SLC14A2: variants seen among roughly 807,000 people sequenced by gnomAD.
SLC14A2 encodes the protein urea transporter 2.
A neutral mutation model predicts 104.6 loss-of-function variants in SLC14A2; 91 were observed. That is an observed-to-expected ratio of 0.87 (90% CI 0.73 to 1.04). The LOEUF (loss-of-function observed/expected upper bound fraction) is 1.04, where lower values mean the gene tolerates loss of function less well. Ranked by LOEUF, SLC14A2 falls within the 50% of genes least tolerant of loss-of-function variation. The pLI, the probability that SLC14A2 is intolerant of heterozygous loss-of-function variation, is 0.00. For synonymous variants in SLC14A2, 476 were observed against 466.4 expected (o/e 1.02, Z -0.27); for missense variants, 1,189 against 1,156.0 (o/e 1.03, Z -0.41).
At chr18:45,589,735 TATGATATACTGTC>T (rs1241640954) in intron 2 of SLC14A2, among the ~76,000 whole-genome samples, 1 of 152,164 alleles carries the variant, frequency 6.6e-6, no homozygotes, top group Non-Finnish European at 1.5e-5. Context: ...ATTCATGAAA[TATGATATACTGTC>T]GTTTCAGACT....
At position 45,554,093 on chromosome 18, in the gene SLC14A2, A is replaced by G. The variant is rs1165535001; in HGVS notation, c.-34-70538A>G. On this transcript the variant is annotated intron_variant, in intron 2 of 20. Coordinates refer to the SLC14A2 transcript ENST00000586448. ...CAAGAGCATTACAATGCCCCACTTC[A>G]CAGAGGTGCATGAAGGCCGAAGCTT... 5.3e-5 allele frequency among the ~76,000 whole-genome samples: 8 copies of G among 152,366 alleles called. No homozygotes were observed. The South Asian group carries it at 1.2e-3, about 24-fold the overall frequency.
chr18:45,566,856 G>C (rs2044273520), intron 2 of SLC14A2, among the ~76,000 whole-genome samples: 1 of 152,202 alleles, frequency 6.6e-6, no homozygotes, highest in East Asian at 1.9e-4. Context: ...AGGGCTAGAA[G>C]TCAAGGTGAG....
At chr18:45,429,978 C>T (rs1385639583) in intron 1 of SLC14A2, among the ~76,000 whole-genome samples, 1 of 152,156 alleles carries the variant, frequency 6.6e-6, no homozygotes, top group Non-Finnish European at 1.5e-5. Context: ...ATAATATGCC[C>T]TAACTGACTG....
In SLC14A2 at chr18:45,652,597, C is replaced by T. The variant is rs141945367; in HGVS notation, c.1351+8437C>T. Among the ~76,000 whole-genome samples the T allele has an allele frequency of 2.9e-3, 443 of 152,270 alleles. 2 individuals carry two copies. Among genetic ancestry groups the T allele is most frequent in the African/African-American group, 9.9e-3 (412 of 41,546 alleles). On this transcript the variant is annotated intron_variant, in intron 10 of 19. Coordinates refer to ENST00000255226, the MANE Select transcript of SLC14A2 (RefSeq NM_007163.4). ...TCCTGGTGGTCAATGCAGGCCTCCT[C>T]CCTCTGTAAAGTTGAAAACGTAGAA...
At chr18:45,679,868 C>T (rs182229168) in intron 19 of SLC14A2, among the ~76,000 whole-genome samples, 34 of 152,318 alleles carry the variant, frequency 2.2e-4, no homozygotes, top group Non-Finnish European at 4.6e-4. Flanking sequence ...TTGTGCACAC[C>T]TCGGCTAAAT....
intron 2 of SLC14A2, among the ~76,000 whole-genome samples, chr18:45,539,699 C>T (rs2043855733): frequency 6.6e-6 from 1 of 152,102 alleles, no homozygotes; most frequent in Non-Finnish European, 1.5e-5. Context: ...CCATTACATT[C>T]CAATGGCTTT....
At chr18:45,608,869 A>G (rs1487256823) in intron 2 of SLC14A2, among the ~76,000 whole-genome samples, 1 of 152,168 alleles carries the variant, frequency 6.6e-6, no homozygotes, top group African/African-American at 2.4e-5. Context: ...TAAAACTGGA[A>G]TTTGCAAAGT....
At chr18:45,202,263 C>A in the SLC14A2 span, among the ~76,000 whole-genome samples, 1 of 151,968 alleles carries the variant, frequency 6.6e-6, no homozygotes, top group Non-Finnish European at 1.5e-5. Flanking sequence ...GCATGCTGAG[C>A]CTTTGGAAAA....
chr18:45,242,905 C>A (rs2084332157), intron 1 of SLC14A2, among the ~76,000 whole-genome samples: 1 of 152,164 alleles, frequency 6.6e-6, no homozygotes, highest in Non-Finnish European at 1.5e-5. Context: ...CAGGTTTGGC[C>A]TATTGAGCTA....
At chr18:45,399,044 G>A (rs2086066845) in intron 1 of SLC14A2, among the ~76,000 whole-genome samples, 1 of 152,126 alleles carries the variant, frequency 6.6e-6, no homozygotes, top group South Asian at 2.1e-4. Flanking sequence ...ACACTTATTG[G>A]ATGCTAAGTT....
At chr18:45,628,184 AC>A (rs112195046) in intron 4 of SLC14A2, among the ~76,000 whole-genome samples, 76 of 152,162 alleles carry the variant, frequency 5.0e-4, no homozygotes, top group African/African-American at 1.7e-3. Context: ...GGTGGTTCAC[AC>A]CTGTAATCTC....
intron 8 of SLC14A2, among the ~76,000 whole-genome samples, chr18:45,641,958 A>G (rs1025971552): frequency 3.3e-5 from 5 of 152,236 alleles, no homozygotes; most frequent in Non-Finnish European, 2.9e-5. Context: ...ATATAAATAT[A>G]CAAACTCACT....
At chr18:45,183,906 ATTTTTTTTTT>A in the SLC14A2 span, among the ~76,000 whole-genome samples, 10 of 62,700 alleles carry the variant, frequency 1.6e-4, no homozygotes, top group Admixed American at 2.9e-4. Context: ...TAATTTTCTA[ATTTTTTTTTT>A]TTTTTTTTTT....
intron 1 of SLC14A2, among the ~76,000 whole-genome samples, chr18:45,249,662 C>A (rs1251830508): frequency 6.6e-6 from 1 of 152,080 alleles, no homozygotes; most frequent in East Asian, 1.9e-4. Flanking sequence ...TAGAAAATAT[C>A]TATTTGGCCA....
Position 45,461,924 on chromosome 18 carries a change from T to C in SLC14A2, c.-124-21309T>C, listed in dbSNP as rs144565502. On this transcript the variant is annotated intron_variant, in intron 1 of 20. Transcript: ENST00000586448. The stretch of plus-strand genomic sequence containing the variant: ...TGAGGTGATGTGGGGCCTGGGATTA[T>C]TGCAGGTGGGAATTGAAAAGGGAAG... Among the ~76,000 whole-genome samples the C allele has an allele frequency of 2.2e-3, 340 of 152,244 alleles. 1 individual carries two copies. The highest frequency in any genetic ancestry group is 7.5e-3 in the African/African-American group (313 of 41,518).
rs2086159173 is a variant in SLC14A2 at position 45,406,736 on chromosome 18, G to A, written c.-124-76497G>A. Among the ~76,000 whole-genome samples the A allele has an allele frequency of 2.0e-5, 3 of 152,230 alleles. No homozygotes were observed. The South Asian group carries it at 6.2e-4, about 32-fold the overall frequency. On this transcript the variant is annotated intron_variant, in intron 1 of 20. Transcript: ENST00000586448. ...CTAACACAACATCCATTGTTGGCAT[G>A]GAAACAATATTAATCTCCTTGTACA...
At chr18:45,466,115 G>A (rs528440366) in intron 1 of SLC14A2, among the ~76,000 whole-genome samples, 2 of 152,170 alleles carry the variant, frequency 1.3e-5, no homozygotes, top group South Asian at 2.1e-4. Flanking sequence ...AATTTGCAAC[G>A]AGCCCTGCAG....
At chr18:45,373,270 T>C (rs932841930) in intron 1 of SLC14A2, among the ~76,000 whole-genome samples, 1 of 152,188 alleles carries the variant, frequency 6.6e-6, no homozygotes, top group Non-Finnish European at 1.5e-5. Context: ...TCCTCCACTA[T>C]CTTCACACAT....
intron 1 of SLC14A2, among the ~76,000 whole-genome samples, chr18:45,341,935 A>G (rs1488082053): frequency 6.6e-6 from 1 of 152,140 alleles, no homozygotes; most frequent in Non-Finnish European, 1.5e-5. Context: ...TGTGTCTTAC[A>G]AAGAAAATAT....
Sources: allele counts gnomAD v4.1 joint callset (sites outside exome capture counted in the v4.1 genomes callset), GRCh38; gene constraint gnomAD v4.1.1; transcripts MANE v1.5; gene names NCBI Gene and HGNC (gene_info 2026-07-23, HGNC 2026-07-21).